MCM10: variants seen among roughly 807,000 people sequenced by gnomAD.
The protein encoded by MCM10 is minichromosome maintenance 10 replication initiation factor.
Under a neutral mutation model 109.9 loss-of-function variants are expected in MCM10, and 91 were observed. That is an observed-to-expected ratio of 0.83 (90% CI 0.70 to 0.99). The LOEUF (loss-of-function observed/expected upper bound fraction) is 0.99, where lower values mean the gene tolerates loss of function less well. MCM10 is among the 50% of genes least tolerant of loss of function. The probability of loss-of-function intolerance (pLI) is 0.00; values close to 1 mark genes in which losing one functional copy is unlikely to be tolerated. For missense variants in MCM10, 1,077 were observed against 1,061.2 expected (o/e 1.01, Z -0.21); for synonymous variants, 380 against 387.2 (o/e 0.98, Z 0.22).
Position 13,177,508 on chromosome 10 carries a change from CTTTTTTTT to C in MCM10, c.764+1843_764+1850del, listed in dbSNP as rs60316855. Among the ~76,000 whole-genome samples, 186 of 105,262 alleles carry C rather than the reference CTTTTTTTT, an allele frequency of 1.8e-3. 2 individuals are homozygous for C. Among genetic ancestry groups the C allele is most frequent in the East Asian group, 4.9e-3 (19 of 3,846 alleles). The allele number at this position is 105,262 out of a possible 152,430, so 69.1% of individuals were successfully genotyped here. On this transcript the variant is annotated intron_variant, in intron 6 of 19. Transcript: ENST00000378714. Reference sequence around the variant, plus strand: ...TGCTCAAAAGTTTTAGATTTTGGAGCTTTTTTTTTTTTTTTTTTTTTTTAATCTATTAA... The same window carrying C: ...TGCTCAAAAGTTTTAGATTTTGGAGCTTTTTTTTTTTTTTTAATCTATTAA...
intron 2 of MCM10, among the ~76,000 whole-genome samples, chr10:13,165,058 G>A (rs113667583): frequency 4.4e-4 from 67 of 152,156 alleles, no homozygotes; most frequent in Non-Finnish European, 7.9e-4. Flanking sequence ...GTGGACCCCC[G>A]TTGTCCCTGA....
In MCM10 at chr10:13,209,549, A is replaced by G; in HGVS notation, c.*239A>G. On this transcript the variant is annotated 3_prime_UTR_variant, in exon 20 of 20. Coordinates refer to ENST00000378714, the MANE Select transcript of MCM10 (RefSeq NM_018518.5). ...GTCTTTTCTAAGCTCAGTGTGGATG[A>G]TTGCATTACTTCATTCACTGAAGTT... 1 of 550,336 alleles carries G rather than the reference A, an allele frequency of 1.8e-6. No homozygotes were observed. Among genetic ancestry groups the G allele is most frequent in the Middle Eastern group, 4.8e-4 (1 of 2,080 alleles). 34.1% of individuals were successfully genotyped at this position (550,336 alleles called of 1,614,324 possible).
intron 6 of MCM10, among the ~76,000 whole-genome samples, chr10:13,176,507 T>G (rs182182730): frequency 5.3e-5 from 8 of 152,302 alleles, no homozygotes; most frequent in Admixed American, 3.3e-4. Context: ...CTCTGAAACC[T>G]TGTCAGTGTA....
At chr10:13,190,531 A>T (rs1834333946) in intron 10 of MCM10, among the ~76,000 whole-genome samples, 1 of 152,084 alleles carries the variant, frequency 6.6e-6, no homozygotes, top group South Asian at 2.1e-4. Flanking sequence ...AAAATGCAAA[A>T]AAAATTAGCT....
rs561098167 is a variant in MCM10, at chr10:13,199,418, T to G, written c.2238+611T>G. On this transcript the variant is annotated intron_variant, in intron 16 of 19. Coordinates refer to ENST00000378714, the MANE Select transcript of MCM10 (RefSeq NM_018518.5). ...AAATTATGTTTAAATGGCTCTACAC[T>G]GCTGCTATTTTCTGCCTTGCAATAT... 2.0e-5 allele frequency among the ~76,000 whole-genome samples: 3 copies of G among 152,362 alleles called. No individual in the cohort carries two copies. In the South Asian group the frequency reaches 6.2e-4, roughly 32 times the overall value.
chr10:13,167,983 A>C (rs953718202), intron 2 of MCM10, among the ~76,000 whole-genome samples: 9 of 152,166 alleles, frequency 5.9e-5, no homozygotes, highest in Admixed American at 2.0e-4. Flanking sequence ...CAGAGAAGAC[A>C]TGATTTTTGG....
At chr10:13,173,869 G>A (rs373404981) in intron 5 of MCM10, among the ~76,000 whole-genome samples, 34 of 152,124 alleles carry the variant, frequency 2.2e-4, no homozygotes, top group African/African-American at 8.0e-4. Flanking sequence ...GGCCCCCAGT[G>A]TGAGAGCAGT....
intron 2 of MCM10, 35 bp from the exon 3 acceptor site, chr10:13,170,887 G>T (rs754330262): frequency 6.3e-7 from 1 of 1,580,762 alleles, no homozygotes; most frequent in Non-Finnish European, 8.7e-7. Context: ...AATTAGCCGT[G>T]CTTATTCTCT....
intron 2 of MCM10, 73 bp downstream of exon 2, chr10:13,164,282 T>G (rs1402862859): frequency 1.9e-5 from 27 of 1,443,456 alleles, no homozygotes; most frequent in Non-Finnish European, 2.5e-5. Flanking sequence ...TGTTATTTAT[T>G]CTACCTGTAA....
At chr10:13,195,372 G>A in intron 14 of MCM10, 103 bp downstream of exon 14, 3 of 844,888 alleles carry the variant, frequency 3.6e-6, no homozygotes, top group Non-Finnish European at 5.4e-6. Flanking sequence ...GTGATCATTA[G>A]AGTCAGTGTA....
chr10:13,206,307 C>T (rs768700400), intron 18 of MCM10, among the ~76,000 whole-genome samples: 9 of 152,234 alleles, frequency 5.9e-5, no homozygotes, highest in Non-Finnish European at 1.3e-4. Flanking sequence ...GCACCCTATA[C>T]CCTCCCCACA....
In MCM10 at chr10:13,209,129, TA is replaced by T. The variant is rs751405241; in HGVS notation, c.2540del (p.Lys847ArgfsTer8). 3 of 1,612,034 alleles carry T rather than the reference TA, an allele frequency of 1.9e-6. No individual in the cohort carries two copies. The highest frequency in any genetic ancestry group is 1.7e-6 in the Non-Finnish European group (2 of 1,178,022). On this transcript the variant is annotated frameshift_variant, in exon 19 of 20. Transcript: ENST00000378714. LOFTEE classifies it high-confidence loss of function. ...TACAAATGGGAACGGGACGGAATGCTAAAGGTATGCCATTTGCGTACTAATT... is the reference window on the plus strand; with the variant it reads ...TACAAATGGGAACGGGACGGAATGCTAAGGTATGCCATTTGCGTACTAATT... Reference protein sequence around the residue: ...GLYKWERDGMLKEKTGPKIGG... With the variant: ...GLYKWERDGMXKEKTGPKIGG...
At chr10:13,177,305 T>C (rs557649705) in intron 6 of MCM10, among the ~76,000 whole-genome samples, 1 of 152,328 alleles carries the variant, frequency 6.6e-6, no homozygotes, top group African/African-American at 2.4e-5. Flanking sequence ...AAAGGACATA[T>C]TAATAGAAAT....
intron 2 of MCM10, among the ~76,000 whole-genome samples, chr10:13,165,817 T>C (rs767504166): frequency 4.1e-5 from 6 of 148,088 alleles, no homozygotes; most frequent in African/African-American, 7.6e-5. Flanking sequence ...AGAGGTTGCA[T>C]TGCATCGAGA....
rs189366559 is a variant in MCM10, at chr10:13,195,768, G to A, written c.1974+499G>A. Among the ~76,000 whole-genome samples, 12 of 151,762 alleles carry A rather than the reference G, an allele frequency of 7.9e-5. No homozygotes were observed. In the East Asian group the frequency reaches 1.6e-3, roughly 20 times the overall value. On this transcript the variant is annotated intron_variant, in intron 14 of 19. Coordinates refer to ENST00000378714, the MANE Select transcript of MCM10 (RefSeq NM_018518.5). ...TGGGACTACAGGCGCCTACCACCAC[G>A]CCCGGCTAATTTTTAGTAGAGACAT...
chr10:13,207,687 A>T (rs1189932816), intron 18 of MCM10, among the ~76,000 whole-genome samples: 1 of 152,194 alleles, frequency 6.6e-6, no homozygotes, highest in Non-Finnish European at 1.5e-5. Context: ...AGTTCCCTGC[A>T]CACACTGTCT....
intron 14 of MCM10, 111 bp downstream of exon 14, chr10:13,195,380 GTAA>G: frequency 1.2e-6 from 1 of 816,312 alleles, no homozygotes; most frequent in South Asian, 1.9e-5. Flanking sequence ...TAGAGTCAGT[GTAA>G]TTTGAAAACA....
Position 13,209,099 on chromosome 10 carries a change from G to T in MCM10, c.2507G>T (p.Gly836Val). The change falls in exon 19 of 20, where the codon GGC becomes GTC. Residue 836 changes from glycine to valine, a missense_variant. Transcript: ENST00000378714. Reference protein sequence around the residue: ...RLPNKHCSNCGLYKWERDGML... With the variant: ...RLPNKHCSNCVLYKWERDGML... ...CATCTGTTCTGTTTCAGTAACTGTG[G>T]CCTCTACAAATGGGAACGGGACGGA... The T allele has an allele frequency of 6.2e-7, 1 of 1,612,696 alleles. No individual in the cohort carries two copies. The highest frequency in any genetic ancestry group is 8.5e-7 in the Non-Finnish European group (1 of 1,178,696).
At chr10:13,196,284 G>A (rs1477845485) in intron 14 of MCM10, among the ~76,000 whole-genome samples, 2 of 152,112 alleles carry the variant, frequency 1.3e-5, no homozygotes, top group Non-Finnish European at 2.9e-5. Flanking sequence ...GCTGAAGTAG[G>A]GGTAGGGCAC....
Sources: gnomAD v4.1 joint callset for allele counts (sites outside exome capture counted in the v4.1 genomes callset) on GRCh38, gnomAD v4.1.1 for gene constraint, MANE v1.5 for transcripts, NCBI Gene and HGNC (gene_info 2026-07-23, HGNC 2026-07-21) for gene names.